ARHGAP44: variants seen among roughly 807,000 people sequenced by gnomAD.
ARHGAP44 encodes Rho GTPase activating protein 44.
ARHGAP44 carries 43 observed loss-of-function variants against 106.8 expected under a neutral mutation model. The ratio of observed to expected loss-of-function variants is 0.40; its 90% CI spans 0.32 to 0.52. The LOEUF (loss-of-function observed/expected upper bound fraction) is 0.52. ARHGAP44 is among the 20% of genes least tolerant of loss of function. The pLI, the probability that ARHGAP44 is intolerant of heterozygous loss-of-function variation, is 0.48. For synonymous variants in ARHGAP44, 439 were observed against 410.3 expected, an observed-to-expected ratio of 1.07 and a Z score of -0.85; for missense variants, 866 against 1,050.5, an observed-to-expected ratio of 0.82 and a Z score of 2.43.
intron 1 of ARHGAP44, among the ~76,000 whole-genome samples, chr17:12,838,743 C>T (rs912348531): frequency 3.3e-5 from 5 of 152,110 alleles, no homozygotes; most frequent in Admixed American, 1.3e-4. Context: ...GCGACCTTGG[C>T]TTACAGCAAA....
chr17:12,963,835 C>T (rs771014037), intron 16 of ARHGAP44, among the ~76,000 whole-genome samples: 13 of 152,178 alleles, frequency 8.5e-5, no homozygotes, highest in Non-Finnish European at 1.9e-4. Flanking sequence ...AAAAAAAAAT[C>T]CTTCAACCTG....
At chr17:12,973,522 A>G (rs1181035207) in intron 17 of ARHGAP44, 1 of 612,634 alleles carries the variant, frequency 1.6e-6, no homozygotes, top group African/African-American at 1.9e-5. Context: ...TGCTGTGTAG[A>G]CAAGTGGGAG....
chr17:12,893,454 T>C (rs2037108293), intron 1 of ARHGAP44, among the ~76,000 whole-genome samples: 1 of 152,184 alleles, frequency 6.6e-6, no homozygotes, highest in African/African-American at 2.4e-5. Context: ...TATCACCACA[T>C]GGGCGTGGGT....
At chr17:12,929,113 T>C in intron 7 of ARHGAP44, 67 bp downstream of exon 7, 1 of 1,398,518 alleles carries the variant, frequency 7.2e-7, no homozygotes, top group Admixed American at 2.0e-5. Context: ...CCCTTTTTGT[T>C]CACTGGAGTT....
At chr17:12,891,798 G>GTT (rs11408193) in intron 1 of ARHGAP44, among the ~76,000 whole-genome samples, 1,639 of 142,554 alleles carry the variant, frequency 0.011, 24 homozygotes, top group East Asian at 0.045. Flanking sequence ...CATTTTTGGG[G>GTT]TTTTTTTTTT....
chr17:12,911,588 A>C (rs1427823380), intron 4 of ARHGAP44, among the ~76,000 whole-genome samples: 1 of 152,200 alleles, frequency 6.6e-6, no homozygotes, highest in African/African-American at 2.4e-5. Flanking sequence ...AAACTCACGA[A>C]TGTGGTTGAA....
intron 16 of ARHGAP44, among the ~76,000 whole-genome samples, chr17:12,969,874 A>G (rs568396973): frequency 5.9e-5 from 9 of 152,330 alleles, no homozygotes; most frequent in South Asian, 2.1e-4. Context: ...GCTCCATTCT[A>G]TGGGTGAAGA....
chr17:12,862,889 T>C (rs2036128285), intron 1 of ARHGAP44, among the ~76,000 whole-genome samples: 1 of 151,824 alleles, frequency 6.6e-6, no homozygotes, highest in Non-Finnish European at 1.5e-5. Context: ...TAGTTCCAGC[T>C]ACTCAGAAGG....
chr17:12,946,515 T>C (rs2038855516), intron 10 of ARHGAP44, among the ~76,000 whole-genome samples: 1 of 144,542 alleles, frequency 6.9e-6, no homozygotes, highest in East Asian at 2.1e-4. Flanking sequence ...AAAAATATAA[T>C]AGGCTGGGCT....
chr17:12,973,686 G>C, intron 17 of ARHGAP44: 1 of 475,984 alleles, frequency 2.1e-6, no homozygotes, highest in East Asian at 3.8e-5. Context: ...TCTTGCACTT[G>C]GGAGGAGTGA....
At chr17:12,962,638 A>G (rs2041734499) in intron 16 of ARHGAP44, among the ~76,000 whole-genome samples, 1 of 152,206 alleles carries the variant, frequency 6.6e-6, no homozygotes, top group Non-Finnish European at 1.5e-5. Context: ...AGAAATTTGA[A>G]GAGATGGCCA....
At chr17:12,987,021 C>CT (rs3076704) in intron 20 of ARHGAP44, 38,157 of 921,678 alleles carry the variant, frequency 0.041, 12 homozygotes, top group East Asian at 0.062. Flanking sequence ...ATTGGCATAG[C>CT]TTTTTTTTTT....
intron 1 of ARHGAP44, among the ~76,000 whole-genome samples, chr17:12,867,356 C>T (rs2036263426): frequency 6.6e-6 from 1 of 152,000 alleles, no homozygotes; most frequent in South Asian, 2.1e-4. Flanking sequence ...CCGTCATAGC[C>T]CTGCCCTGCT....
Position 12,896,615 on chromosome 17 carries a change from G to A in ARHGAP44, c.198+104G>A, listed in dbSNP as rs145196362. ...TGTAGCTGTTTATGTAGCTGCTTAC[G>A]TGCCTGAGAATTGACTCAGCAGCTC... On this transcript the variant is annotated intron_variant, in intron 3 of 20. Transcript: ENST00000379672. 1.8e-4 allele frequency: 182 copies of A among 994,028 alleles called. 1 individual carries two copies. In the African/African-American group the frequency reaches 2.3e-3, roughly 12 times the overall value. The allele number at this position is 994,028 out of a possible 1,614,324, so 61.6% of individuals were successfully genotyped here.
rs2038486133 is a variant in ARHGAP44 at position 12,934,365 on chromosome 17, T to C, written c.582+5319T>C. Among the ~76,000 whole-genome samples the C allele has an allele frequency of 2.0e-5, 3 of 152,198 alleles. 1 individual carries two copies. In the South Asian group the frequency reaches 6.2e-4, roughly 32 times the overall value. ...CTCCCCACAATCTGAAGAGCACATATATTGTTAGACTAAAAGACAACCTTG... is the reference window on the plus strand; with the variant it reads ...CTCCCCACAATCTGAAGAGCACATACATTGTTAGACTAAAAGACAACCTTG... On this transcript the variant is annotated intron_variant, in intron 7 of 20. Coordinates refer to ENST00000379672, the MANE Select transcript of ARHGAP44 (RefSeq NM_014859.6).
At chr17:12,969,788 T>C (rs968235801) in intron 16 of ARHGAP44, among the ~76,000 whole-genome samples, 1 of 152,146 alleles carries the variant, frequency 6.6e-6, no homozygotes, top group Non-Finnish European at 1.5e-5. Context: ...TGCAAGGACA[T>C]GCTAAATACA....
intron 7 of ARHGAP44, among the ~76,000 whole-genome samples, chr17:12,936,444 C>T (rs1012794699): frequency 2.6e-5 from 4 of 152,194 alleles, no homozygotes; most frequent in African/African-American, 9.7e-5. Context: ...TGGAATCCTA[C>T]AGTATGTAGC....
chr17:12,917,066 A>T (rs555043387), intron 5 of ARHGAP44, among the ~76,000 whole-genome samples: 2 of 152,270 alleles, frequency 1.3e-5, no homozygotes, highest in Admixed American at 1.3e-4. Context: ...AATCCCAAAT[A>T]TTTCTGGTCC....
intron 3 of ARHGAP44, among the ~76,000 whole-genome samples, chr17:12,898,280 G>T (rs182572239): frequency 1.3e-5 from 2 of 152,178 alleles, no homozygotes; most frequent in Non-Finnish European, 2.9e-5. Flanking sequence ...CGGTGTGACA[G>T]CCCCTTAGAG....
Sources: allele counts gnomAD v4.1 joint callset (sites outside exome capture counted in the v4.1 genomes callset), GRCh38; gene constraint gnomAD v4.1.1; transcripts MANE v1.5; gene names NCBI Gene and HGNC (gene_info 2026-07-23, HGNC 2026-07-21).